The following ULK4 variants were observed in gnomAD, a reference collection of about 807,000 sequenced individuals.
ULK4 encodes the protein inactive serine/threonine-protein kinase ULK4.
Under a neutral mutation model 160.6 loss-of-function variants are expected in ULK4, and 133 were observed. The observed-to-expected ratio is 0.83, with a 90% CI of 0.72 to 0.96. The LOEUF is 0.96. Among genes scored for constraint, ULK4 ranks in the 40% least tolerant of loss-of-function variants. The pLI, the probability that ULK4 is intolerant of heterozygous loss-of-function variation, is 0.00. For missense variants in ULK4, 1,580 were observed against 1,499.5 expected (o/e 1.05, Z -0.89); for synonymous variants, 534 against 539.8 (o/e 0.99, Z 0.15).
chr3:41,722,316 G>A (rs1024583463), intron 22 of ULK4, among the ~76,000 whole-genome samples: 14 of 152,080 alleles, frequency 9.2e-5, no homozygotes, highest in Admixed American at 2.0e-4. Flanking sequence ...GCATTTTGAA[G>A]AACTGCCTCA....
At position 41,455,547 on chromosome 3, in the gene ULK4, G is replaced by C. The variant is rs371028369; in HGVS notation, c.3442C>G (p.Leu1148Val). The C allele has an allele frequency of 6.2e-6, 10 of 1,613,944 alleles. No homozygotes were observed. In the African/African-American group the frequency reaches 1.3e-4, roughly 22 times the overall value. ...GEDPQAAEDL[L>V]LLNRPLTDLI... The stretch of plus-strand genomic sequence containing the variant: ...TCTGTCAGAGGTCTGTTGAGCAGCA[G>C]CAGGTCTTCTGCAGCCTGAGGGTCC... Residue 1148 changes from leucine to valine, a missense_variant, in exon 34 of 37, where the codon CTG becomes GTG. By Grantham distance (32) the Leu-to-Val change is conservative. Coordinates refer to ENST00000301831, the MANE Select transcript of ULK4 (RefSeq NM_017886.4).
At chr3:41,386,881 T>C (rs1383503812) in intron 35 of ULK4, among the ~76,000 whole-genome samples, 1 of 152,128 alleles carries the variant, frequency 6.6e-6, no homozygotes, top group Non-Finnish European at 1.5e-5. Context: ...TGTCGATACC[T>C]ATGGTAAAGA....
chr3:41,897,325 G>A (rs555633246), intron 14 of ULK4, among the ~76,000 whole-genome samples: 4 of 152,002 alleles, frequency 2.6e-5, no homozygotes, highest in African/African-American at 7.2e-5. Flanking sequence ...AAAGACAAAA[G>A]AGCCTTTGTA....
At chr3:41,286,941 C>T (rs2079471740) in intron 35 of ULK4, among the ~76,000 whole-genome samples, 1 of 152,210 alleles carries the variant, frequency 6.6e-6, no homozygotes, top group South Asian at 2.1e-4. Flanking sequence ...CAGAAGACTA[C>T]AGGACCTAGA....
intron 12 of ULK4, among the ~76,000 whole-genome samples, chr3:41,901,323 G>T (rs1405392876): frequency 2.0e-5 from 3 of 150,550 alleles, no homozygotes; most frequent in Non-Finnish European, 4.4e-5. Flanking sequence ...GGGACTACAG[G>T]CGCCTGCCAC....
chr3:41,351,232 G>A (rs1184070242), intron 35 of ULK4, among the ~76,000 whole-genome samples: 1 of 152,150 alleles, frequency 6.6e-6, no homozygotes, highest in African/African-American at 2.4e-5. Context: ...CAAGGCCTTG[G>A]TTCTCCTCAA....
At chr3:41,706,554 G>A (rs533847293) in intron 25 of ULK4, among the ~76,000 whole-genome samples, 8 of 151,114 alleles carry the variant, frequency 5.3e-5, no homozygotes, top group Non-Finnish European at 7.4e-5. Flanking sequence ...TAGGCCAAGC[G>A]CAGTGGCTCA....
chr3:41,906,521 A>G (rs1338551047), intron 12 of ULK4, among the ~76,000 whole-genome samples: 1 of 152,024 alleles, frequency 6.6e-6, no homozygotes, highest in Non-Finnish European at 1.5e-5. Context: ...AGAGTGAGAC[A>G]TTAACTCAAA....
intron 17 of ULK4, among the ~76,000 whole-genome samples, chr3:41,855,081 G>A (rs1365942277): frequency 1.3e-5 from 2 of 152,022 alleles, no homozygotes; most frequent in African/African-American, 4.8e-5. Flanking sequence ...CAACTGCATG[G>A]CAGTGGCTAA....
At chr3:41,252,179 G>C (rs981271468) in intron 35 of ULK4, among the ~76,000 whole-genome samples, 20 of 152,132 alleles carry the variant, frequency 1.3e-4, no homozygotes, top group Non-Finnish European at 2.5e-4. Context: ...ATTCTCTGTA[G>C]TATTTAACAA....
At chr3:41,562,387 C>G (rs181214323) in intron 32 of ULK4, among the ~76,000 whole-genome samples, 63 of 152,188 alleles carry the variant, frequency 4.1e-4, no homozygotes, top group African/African-American at 1.1e-3. Flanking sequence ...CCACTTGGTG[C>G]AGAGCTGAGT....
intron 35 of ULK4, among the ~76,000 whole-genome samples, chr3:41,264,001 A>G (rs921858019): frequency 6.6e-6 from 1 of 152,202 alleles, no homozygotes; most frequent in South Asian, 2.1e-4. Context: ...AGGTGTCATG[A>G]AGAAAGTAAA....
intron 32 of ULK4, among the ~76,000 whole-genome samples, chr3:41,512,630 C>T (rs960000532): frequency 3.9e-5 from 6 of 152,194 alleles, no homozygotes; most frequent in Admixed American, 3.9e-4. Context: ...ATAGACAACA[C>T]AAACAAATGT....
chr3:41,315,897 G>A (rs987887242), intron 35 of ULK4, among the ~76,000 whole-genome samples: 3 of 152,126 alleles, frequency 2.0e-5, no homozygotes, highest in Non-Finnish European at 4.4e-5. Flanking sequence ...CAAATGTTGG[G>A]GATGATAAAG....
intron 17 of ULK4, among the ~76,000 whole-genome samples, chr3:41,843,697 AT>A (rs2041992954): frequency 6.6e-6 from 1 of 152,146 alleles, no homozygotes; most frequent in Non-Finnish European, 1.5e-5. Flanking sequence ...CAGCAGCAAG[AT>A]TTATTGCAAA....
At chr3:41,399,768 G>T (rs192146702) in intron 34 of ULK4, among the ~76,000 whole-genome samples, 142 of 152,016 alleles carry the variant, frequency 9.3e-4, no homozygotes, top group African/African-American at 3.4e-3. Context: ...GTCACACCTT[G>T]CTAATTTTTA....
intron 35 of ULK4, among the ~76,000 whole-genome samples, chr3:41,366,270 CA>C (rs1190871212): frequency 3.9e-5 from 6 of 152,112 alleles, no homozygotes; most frequent in Non-Finnish European, 8.8e-5. Flanking sequence ...AGTGGAAAAC[CA>C]AGGCACACAC....
At chr3:41,592,982 C>A (rs141026394) in intron 31 of ULK4, among the ~76,000 whole-genome samples, 19 of 152,278 alleles carry the variant, frequency 1.2e-4, no homozygotes, top group African/African-American at 4.3e-4. Flanking sequence ...TGTCAACAAG[C>A]TCACCTTCAC....
At chr3:41,389,988 A>T (rs2081917198) in intron 35 of ULK4, among the ~76,000 whole-genome samples, 1 of 152,152 alleles carries the variant, frequency 6.6e-6, no homozygotes, top group Non-Finnish European at 1.5e-5. Flanking sequence ...TTCGGCTGGG[A>T]ATCCATCTGG....
Sources: allele counts gnomAD v4.1 joint callset (sites outside exome capture counted in the v4.1 genomes callset), GRCh38; gene constraint gnomAD v4.1.1; transcripts MANE v1.5; gene names NCBI Gene and HGNC (gene_info 2026-07-23, HGNC 2026-07-21).